Variants in NOSTRIN observed in about 807,000 individuals in gnomAD.
NOSTRIN encodes nitric oxide synthase trafficking, also known as BM247 homolog.
Under a neutral mutation model 59.0 loss-of-function variants are expected in NOSTRIN, and 63 were observed. The ratio of observed to expected loss-of-function variants is 1.07; its 90% CI spans 0.87 to 1.32. The LOEUF (loss-of-function observed/expected upper bound fraction) is 1.32. Ranked by LOEUF, NOSTRIN falls within the 40% of genes most tolerant of loss-of-function variation. The pLI is 0.00. For synonymous variants in NOSTRIN, 200 were observed against 165.4 expected (o/e 1.21, Z -1.61); for missense variants, 512 against 473.1 (o/e 1.08, Z -0.76).
intron 7 of NOSTRIN, among the ~76,000 whole-genome samples, chr2:168,842,757 T>G (rs758222774): frequency 2.6e-5 from 4 of 152,172 alleles, no homozygotes; most frequent in Non-Finnish European, 4.4e-5. Flanking sequence ...GGTCTCAATC[T>G]CCTCATGTGT....
At chr2:168,822,171 T>C (rs550081) in intron 2 of NOSTRIN, among the ~76,000 whole-genome samples, 104,586 of 152,092 alleles carry the variant, frequency 0.69, 36,282 homozygotes, top group East Asian at 0.88. Context: ...TTAAGTGCGA[T>C]GAGATATTTA....
At chr2:168,840,544 A>AAAAAAAAC (rs1559128288) in intron 7 of NOSTRIN, among the ~76,000 whole-genome samples, 5 of 151,442 alleles carry the variant, frequency 3.3e-5, no homozygotes, top group African/African-American at 1.2e-4. Flanking sequence ...AAAAAAAAAA[A>AAAAAAAAC]AAAAAAACAA....
intron 7 of NOSTRIN, among the ~76,000 whole-genome samples, chr2:168,837,603 C>G (rs1278974502): frequency 1.3e-5 from 2 of 152,122 alleles, no homozygotes; most frequent in African/African-American, 4.8e-5. Context: ...GCCACCGCGC[C>G]CGGTCACAAT....
intron 2 of NOSTRIN, among the ~76,000 whole-genome samples, chr2:168,816,011 A>G (rs2105570820): frequency 6.6e-6 from 1 of 152,152 alleles, no homozygotes; most frequent in East Asian, 1.9e-4. Flanking sequence ...CTTTCTTTTT[A>G]TTTTATGGCC....
chr2:168,798,861 G>A (rs976894454), upstream of NOSTRIN, among the ~76,000 whole-genome samples: 5 of 152,112 alleles, frequency 3.3e-5, no homozygotes, highest in African/African-American at 4.8e-5. Context: ...TAGTTCTTGA[G>A]AGAAGAAAAA....
At chr2:168,857,495 C>T (rs779562546) in intron 12 of NOSTRIN, among the ~76,000 whole-genome samples, 4 of 152,102 alleles carry the variant, frequency 2.6e-5, no homozygotes, top group South Asian at 2.1e-4. Context: ...AGGTGGGCCT[C>T]CTGGCCTTTG....
At chr2:168,834,194 CT>C (rs1485314444) in intron 6 of NOSTRIN, 32 bp from the exon 7 acceptor site, 6 of 860,688 alleles carry the variant, frequency 7.0e-6, no homozygotes, top group South Asian at 2.7e-5. Context: ...GCCTCTGCTC[CT>C]TTTTTTCTTG....
chr2:168,848,325 CAG>C (rs1222970219), intron 8 of NOSTRIN, among the ~76,000 whole-genome samples: 5 of 152,204 alleles, frequency 3.3e-5, no homozygotes, highest in Non-Finnish European at 7.3e-5. Flanking sequence ...GTGAAAGCCT[CAG>C]GGGACTGCCA....
upstream of NOSTRIN, among the ~76,000 whole-genome samples, chr2:168,798,945 G>A (rs1037716706): frequency 2.0e-5 from 3 of 152,166 alleles, no homozygotes; most frequent in African/African-American, 7.2e-5. Flanking sequence ...TGGGGCTCAA[G>A]TCTTGCTCTG....
rs1689019001 is a variant in NOSTRIN, at chr2:168,855,400, C to T, written c.904C>T (p.Leu302=). ...GGATAAAGAGAGACGAAAGTCTTTA[C>T]TAAAACCAAAATTATTGAGACTGCA... ...AMDKERRKSL[L]KPKLLRLQRD... Residue 302 remains leucine (L), a synonymous_variant, in exon 11 of 16, where the codon CTA becomes TTA. Coordinates refer to ENST00000317647, the MANE Select transcript of NOSTRIN (RefSeq NM_001039724.4). The T allele has an allele frequency of 6.2e-7, 1 of 1,611,120 alleles. No homozygotes were observed. Among genetic ancestry groups the T allele is most frequent in the East Asian group, 2.2e-5 (1 of 44,726 alleles).
intron 7 of NOSTRIN, among the ~76,000 whole-genome samples, chr2:168,840,980 C>T (rs551601383): frequency 9.9e-4 from 150 of 151,890 alleles, no homozygotes; most frequent in Non-Finnish European, 1.9e-3. Flanking sequence ...CGGCTGGGTG[C>T]GATGGCCCAC....
Position 168,824,193 on chromosome 2 carries a change from C to T in NOSTRIN, c.114-441C>T, listed in dbSNP as rs1002027232. Among the ~76,000 whole-genome samples, 19 of 152,208 alleles carry T rather than the reference C, an allele frequency of 1.2e-4. 1 individual carries two copies. Among genetic ancestry groups the T allele is most frequent in the Non-Finnish European group, 5.9e-5 (4 of 68,040 alleles). ...CCTTGTAGTAAACAAATCATCTCTTCTTTACGTAGGCATTACATTTTCAGC... is the reference window on the plus strand; with the variant it reads ...CCTTGTAGTAAACAAATCATCTCTTTTTTACGTAGGCATTACATTTTCAGC... On this transcript the variant is annotated intron_variant, in intron 2 of 15. Transcript: ENST00000317647.
At chr2:168,862,155 A>AAAGGTGAACT in intron 15 of NOSTRIN, 106 bp downstream of exon 15, 1 of 930,910 alleles carries the variant, frequency 1.1e-6, no homozygotes, top group Non-Finnish European at 1.7e-6. Flanking sequence ...TACCATGTCA[A>AAAGGTGAACT]ATCAGTTCAC....
At position 168,855,344 on chromosome 2, in the gene NOSTRIN, T is replaced by C; in HGVS notation, c.856-8T>C. 2 of 1,489,996 alleles carry C rather than the reference T, an allele frequency of 1.3e-6. No individual in the cohort carries two copies. Among genetic ancestry groups the C allele is most frequent in the Non-Finnish European group, 9.2e-7 (1 of 1,085,714 alleles). The allele number at this position is 1,489,996 out of a possible 1,614,324, so 92.3% of individuals were successfully genotyped here. On this transcript the variant is annotated splice_polypyrimidine_tract_variant and splice_region_variant and intron_variant, in intron 10 of 15. Transcript: ENST00000317647. ...CCCCTTGTTAGACATCCTTCTTTTT[T>C]CCTAAAGGAAGAAGATCCTAACAGT...
chr2:168,798,654 A>T (rs529830716), upstream of NOSTRIN, among the ~76,000 whole-genome samples: 2 of 152,360 alleles, frequency 1.3e-5, no homozygotes, highest in African/African-American at 4.8e-5. Context: ...ACCGGAAGCC[A>T]GGCTGGAAAG....
At chr2:168,812,711 A>G (rs1686207475) in intron 2 of NOSTRIN, among the ~76,000 whole-genome samples, 1 of 152,182 alleles carries the variant, frequency 6.6e-6, no homozygotes. Flanking sequence ...CGGGAAGAGT[A>G]AAGTCTGCTC....
intron 8 of NOSTRIN, 144 bp from the exon 9 acceptor site, chr2:168,850,938 CCT>C: frequency 1.2e-6 from 1 of 804,896 alleles, no homozygotes; most frequent in South Asian, 1.4e-5. Flanking sequence ...TGGAAATCTC[CCT>C]CCACTATGGT....
chr2:168,799,448 C>T (rs1428293825), upstream of NOSTRIN, among the ~76,000 whole-genome samples: 6 of 152,150 alleles, frequency 3.9e-5, no homozygotes, highest in South Asian at 2.1e-4. Flanking sequence ...CTCACATGCT[C>T]GGGGACAAAT....
intron 14 of NOSTRIN, 102 bp downstream of exon 14, chr2:168,861,011 A>G: frequency 1.4e-6 from 1 of 711,766 alleles, no homozygotes; most frequent in Non-Finnish European, 2.5e-6. Flanking sequence ...GTATCTGTTT[A>G]AGGAAATTTA....
Sources: gnomAD v4.1 joint callset for allele counts (sites outside exome capture counted in the v4.1 genomes callset) on GRCh38, gnomAD v4.1.1 for gene constraint, MANE v1.5 for transcripts, NCBI Gene and HGNC (gene_info 2026-07-23, HGNC 2026-07-21) for gene names.